Variants in SLC38A4 observed in about 807,000 individuals in gnomAD.
SLC38A4 encodes the protein solute carrier family 38 member 4, also known as sodium-coupled neutral amino acid transporter 4.
Under a neutral mutation model 63.1 loss-of-function variants are expected in SLC38A4, and 20 were observed. The observed-to-expected ratio is 0.32, with a 90% confidence interval of 0.22 to 0.46. The LOEUF is 0.46. Among genes scored for constraint, SLC38A4 ranks in the 20% least tolerant of loss-of-function variants. The pLI is 1.00. For synonymous variants in SLC38A4, 230 were observed against 225.5 expected, an observed-to-expected ratio of 1.02 and a Z score of -0.18; for missense variants, 526 against 663.6, an observed-to-expected ratio of 0.79 and a Z score of 2.28.
chr12:46,807,721 AAAGGGGAGTCAAGC>A (rs1228693152), intron 1 of SLC38A4, among the ~76,000 whole-genome samples: 1 of 152,034 alleles, frequency 6.6e-6, no homozygotes, highest in Non-Finnish European at 1.5e-5. Flanking sequence ...CTGCCATGAT[AAAGGGGAGTCAAGC>A]ACTTCTATAC....
At chr12:46,815,159 A>G (rs1000628033) in intron 1 of SLC38A4, among the ~76,000 whole-genome samples, 2 of 150,970 alleles carry the variant, frequency 1.3e-5, no homozygotes, top group Non-Finnish European at 3.0e-5. Context: ...ATAATTGAAT[A>G]GAAGATGTAT....
intron 1 of SLC38A4, among the ~76,000 whole-genome samples, chr12:46,805,158 C>T (rs1939206310): frequency 6.6e-6 from 1 of 151,796 alleles, no homozygotes; most frequent in Non-Finnish European, 1.5e-5. Flanking sequence ...TTTACTCTTC[C>T]TAAAATTGTA....
chr12:46,805,251 A>C (rs1265372258), intron 1 of SLC38A4, among the ~76,000 whole-genome samples: 1 of 152,034 alleles, frequency 6.6e-6, no homozygotes, highest in Non-Finnish European at 1.5e-5. Context: ...TTAAAAGCAC[A>C]CACAAGAGAC....
At position 46,793,191 on chromosome 12, in the gene SLC38A4, CAG is replaced by C; in HGVS notation, c.-112-10_-112-9del. ...TGTTCAGAACACTCTGTTCTGCAAA[CAG>C]AACACAACATACATCATTATAATTT... On this transcript the variant is annotated splice_polypyrimidine_tract_variant and intron_variant, in intron 2 of 16. Coordinates refer to ENST00000266579, the MANE Select transcript of SLC38A4 (RefSeq NM_018018.5). 1 of 668,706 alleles carries C rather than the reference CAG, an allele frequency of 1.5e-6. No homozygotes were observed. The highest frequency in any genetic ancestry group is 2.7e-6 in the Non-Finnish European group (1 of 373,296). 41.4% of individuals were successfully genotyped at this position (668,706 alleles called of 1,614,324 possible). A position where few individuals can be genotyped will look rare whatever the true frequency, so the allele number is the denominator to read the frequency against.
chr12:46,769,569 T>A, intron 14 of SLC38A4, 141 bp from the exon 15 acceptor site: 1 of 900,870 alleles, frequency 1.1e-6, no homozygotes, highest in South Asian at 1.8e-5. Context: ...TTCAATTTTT[T>A]TATTATTATA....
Position 46,793,084 on chromosome 12 carries a change from C to A in SLC38A4, c.-13G>T. On this transcript the variant is annotated 5_prime_UTR_variant, in exon 3 of 17. Transcript: ENST00000266579. ...CCATGGGATCCATTTGAGCTGTCAG[C>A]GCTTTCTTGTCCACACACAAGCCCC... 1 of 1,592,254 alleles carries A rather than the reference C, an allele frequency of 6.3e-7. No homozygotes were observed. Among genetic ancestry groups the A allele is most frequent in the Non-Finnish European group, 8.6e-7 (1 of 1,160,872 alleles).
At chr12:46,769,159 G>A in intron 15 of SLC38A4, 125 bp downstream of exon 15, 1 of 1,063,308 alleles carries the variant, frequency 9.4e-7, no homozygotes, top group Admixed American at 2.2e-5. Flanking sequence ...AGCCTCTCAG[G>A]GATAAAGGGA....
chr12:46,784,708 A>G (rs1040193090), intron 6 of SLC38A4, 74 bp from the exon 7 acceptor site: 5 of 1,169,602 alleles, frequency 4.3e-6, no homozygotes, highest in Middle Eastern at 2.2e-4. Context: ...ATATAATTCC[A>G]TGCTGGAGTC....
At chr12:46,798,402 A>C (rs925940794) in intron 2 of SLC38A4, among the ~76,000 whole-genome samples, 4 of 152,030 alleles carry the variant, frequency 2.6e-5, no homozygotes, top group Non-Finnish European at 5.9e-5. Context: ...GGTCATTTGC[A>C]CATGTGGGTC....
chr12:46,777,948 G>A (rs865939515), intron 12 of SLC38A4, among the ~76,000 whole-genome samples: 1 of 152,044 alleles, frequency 6.6e-6, no homozygotes. Context: ...CGTCATGGGT[G>A]TTTTCATTTC....
intron 1 of SLC38A4, among the ~76,000 whole-genome samples, chr12:46,818,581 G>A (rs997878399): frequency 6.6e-6 from 1 of 151,630 alleles, no homozygotes; most frequent in Admixed American, 6.6e-5. Context: ...AACATAAGTA[G>A]ATGGAATAAT....
intron 2 of SLC38A4, among the ~76,000 whole-genome samples, chr12:46,802,606 T>C (rs2429470): frequency 0.93 from 141,774 of 152,020 alleles, 66,436 homozygotes; most frequent in Middle Eastern, 0.97. Context: ...AATCCCAGAA[T>C]GCTATCTAAA....
chr12:46,804,571 A>C (rs1939192710), intron 1 of SLC38A4, among the ~76,000 whole-genome samples: 2 of 152,130 alleles, frequency 1.3e-5, no homozygotes, highest in South Asian at 4.1e-4. Flanking sequence ...ATTACAACAG[A>C]TGTGTCAATT....
At chr12:46,817,783 C>T (rs1939470433) in intron 1 of SLC38A4, among the ~76,000 whole-genome samples, 1 of 151,828 alleles carries the variant, frequency 6.6e-6, no homozygotes, top group African/African-American at 2.4e-5. Flanking sequence ...TAAATTCATG[C>T]AACTTCCTAA....
intron 1 of SLC38A4, among the ~76,000 whole-genome samples, chr12:46,821,191 T>C (rs547791012): frequency 6.6e-6 from 1 of 152,248 alleles, no homozygotes; most frequent in African/African-American, 2.4e-5. Context: ...CTATTTTTGC[T>C]TTTTTGCCTG....
chr12:46,810,707 A>C (rs1027492319), intron 1 of SLC38A4, among the ~76,000 whole-genome samples: 1 of 151,892 alleles, frequency 6.6e-6, no homozygotes, highest in Non-Finnish European at 1.5e-5. Context: ...CTAACCTTTA[A>C]AAAATACAGA....
chr12:46,815,660 A>G (rs1939429095), intron 1 of SLC38A4, among the ~76,000 whole-genome samples: 1 of 151,868 alleles, frequency 6.6e-6, no homozygotes, highest in South Asian at 2.1e-4. Context: ...ATTCATAAGC[A>G]GTAGATTATT....
At chr12:46,790,080 C>CAA (rs1565669670) in intron 3 of SLC38A4, among the ~76,000 whole-genome samples, 25 of 149,434 alleles carry the variant, frequency 1.7e-4, no homozygotes, top group African/African-American at 6.3e-4. Context: ...CTCTGTCTGT[C>CAA]TCAATAAATA....
At chr12:46,802,918 C>T (rs942815352) in intron 2 of SLC38A4, among the ~76,000 whole-genome samples, 3 of 152,032 alleles carry the variant, frequency 2.0e-5, no homozygotes, top group Admixed American at 6.6e-5. Flanking sequence ...GAGAACACCT[C>T]TACTTTTAGA....
Sources: gnomAD v4.1 joint callset for allele counts (sites outside exome capture counted in the v4.1 genomes callset) on GRCh38, gnomAD v4.1.1 for gene constraint, MANE v1.5 for transcripts, NCBI Gene and HGNC (gene_info 2026-07-23, HGNC 2026-07-21) for gene names.